The following SPACA7 variants were observed in gnomAD, a reference collection of about 807,000 sequenced individuals.
The protein encoded by SPACA7 is sperm acrosome-associated protein 7.
SPACA7 carries 19 observed loss-of-function variants against 26.3 expected under a neutral mutation model. The ratio of observed to expected loss-of-function variants is 0.72; its 90% CI spans 0.50 to 1.06. The LOEUF (loss-of-function observed/expected upper bound fraction) is 1.06, where lower values mean the gene tolerates loss of function less well. SPACA7 is among the 50% of genes least tolerant of loss of function. The pLI is 0.00. For synonymous variants in SPACA7, 84 were observed against 84.5 expected, an observed-to-expected ratio of 0.99 and a Z score of 0.04; for missense variants, 211 against 229.9, an observed-to-expected ratio of 0.92 and a Z score of 0.53.
At position 112,393,059 on chromosome 13, in the gene SPACA7, G is replaced by C. The variant is rs1479035163; in HGVS notation, c.133G>C (p.Asp45His). ...TEIPFSSKQEDMSELLDEILV... is the reference protein window; with the variant it reads ...TEIPFSSKQEHMSELLDEILV... ...AATACCATTCAGTTCAAAACAGGAGGATATGTCTGAATTATTAGGTAAGGA... is the reference window on the plus strand; with the variant it reads ...AATACCATTCAGTTCAAAACAGGAGCATATGTCTGAATTATTAGGTAAGGA... Residue 45 changes from aspartate (D) to histidine (H), a missense_variant, in exon 2 of 7, where the codon GAT becomes CAT. Physicochemically the swap from Asp to His is moderately conservative, Grantham distance 81. Coordinates refer to ENST00000283550, the MANE Select transcript of SPACA7 (RefSeq NM_145248.5). The C allele has an allele frequency of 6.2e-7, 1 of 1,613,016 alleles. No individual in the cohort carries two copies. The highest frequency in any genetic ancestry group is 2.2e-5 in the East Asian group (1 of 44,870).
chr13:112,432,509 G>C lies in SPACA7; in HGVS notation c.511G>C (p.Gly171Arg), dbSNP rs150077672. ...TCTGGACCAAATCCTTCAAAATATTGGAAGATCTTCAGGTAGATTGGAAAT... is the reference window on the plus strand; with the variant it reads ...TCTGGACCAAATCCTTCAAAATATTCGAAGATCTTCAGGTAGATTGGAAAT... ...SILDQILQNIGRSSGNIFHKE... is the reference protein window; with the variant it reads ...SILDQILQNIRRSSGNIFHKE... Residue 171 changes from glycine to arginine, a missense_variant, in exon 6 of 7, where the codon GGA (glycine) becomes CGA (arginine). By Grantham distance (125) the Gly-to-Arg change is moderately radical. Coordinates refer to ENST00000283550, the MANE Select transcript of SPACA7 (RefSeq NM_145248.5). 6.2e-7 allele frequency: 1 copy of C among 1,604,282 alleles called. No homozygotes were observed. Among genetic ancestry groups the C allele is most frequent in the Non-Finnish European group, 8.5e-7 (1 of 1,171,128 alleles).
At chr13:112,405,167 A>G (rs1344057343) in intron 5 of SPACA7, among the ~76,000 whole-genome samples, 1 of 151,592 alleles carries the variant, frequency 6.6e-6, no homozygotes, top group Admixed American at 6.6e-5. Context: ...TATTTTTAGT[A>G]GAGACGGGGT....
At chr13:112,405,204 T>G (rs1885910002) in intron 5 of SPACA7, among the ~76,000 whole-genome samples, 1 of 151,992 alleles carries the variant, frequency 6.6e-6, no homozygotes, top group South Asian at 2.1e-4. Context: ...GGATGTATTT[T>G]CTTCTTTACC....
chr13:112,398,139 G>A lies in SPACA7; in HGVS notation c.241+1G>A, dbSNP rs765107270. ...GCATCAACATTATCAACACCGTTACGTAAGGAGAAAAGCAAGCACACCCCT... is the reference window on the plus strand; with the variant it reads ...GCATCAACATTATCAACACCGTTACATAAGGAGAAAAGCAAGCACACCCCT... On this transcript the variant is annotated splice_donor_variant, in intron 3 of 6. Coordinates refer to ENST00000283550, the MANE Select transcript of SPACA7 (RefSeq NM_145248.5). LOFTEE classifies it high-confidence loss of function. 21 of 1,612,136 alleles carry A rather than the reference G, an allele frequency of 1.3e-5. No homozygotes were observed. Among genetic ancestry groups the A allele is most frequent in the Admixed American group, 3.3e-5 (2 of 60,008 alleles).
chr13:112,417,791 G>A (rs1191521272), intron 5 of SPACA7, among the ~76,000 whole-genome samples: 3 of 152,150 alleles, frequency 2.0e-5, no homozygotes. Context: ...TTTTCTCACT[G>A]TTTTATCTCA....
chr13:112,430,745 A>G (rs377482308), intron 5 of SPACA7, among the ~76,000 whole-genome samples: 4 of 152,246 alleles, frequency 2.6e-5, no homozygotes, highest in Non-Finnish European at 5.9e-5. Flanking sequence ...CTATAGTCGA[A>G]TGAAACCACA....
chr13:112,417,716 T>G lies in SPACA7; in HGVS notation c.446-14728T>G, dbSNP rs181186969. On this transcript the variant is annotated intron_variant, in intron 5 of 6. Coordinates refer to ENST00000283550, the MANE Select transcript of SPACA7 (RefSeq NM_145248.5). ...CAGGACCCATATTTAGTATTTTCAG[T>G]CTTACAGTGGAGTTGCTTATTCTGA... Among the ~76,000 whole-genome samples, 4 of 152,292 alleles carry G rather than the reference T, an allele frequency of 2.6e-5. No homozygotes were observed. The East Asian group carries it at 7.7e-4, about 29-fold the overall frequency.
chr13:112,396,594 A>G (rs1885277800), intron 2 of SPACA7, among the ~76,000 whole-genome samples: 1 of 152,200 alleles, frequency 6.6e-6, no homozygotes, highest in Non-Finnish European at 1.5e-5. Flanking sequence ...CTTGCCATTC[A>G]AATGCATATC....
intron 2 of SPACA7, among the ~76,000 whole-genome samples, chr13:112,393,892 A>T (rs1885061042): frequency 6.6e-6 from 1 of 151,730 alleles, no homozygotes. Context: ...AGGCTGAGAC[A>T]GGAGAATCCC....
chr13:112,421,651 C>T (rs541089365), intron 5 of SPACA7, among the ~76,000 whole-genome samples: 3 of 152,274 alleles, frequency 2.0e-5, no homozygotes, highest in Non-Finnish European at 2.9e-5. Context: ...TATAAAGACA[C>T]ATGCATGTGT....
At chr13:112,378,287 A>T (rs1883822101) in intron 1 of SPACA7, among the ~76,000 whole-genome samples, 1 of 152,018 alleles carries the variant, frequency 6.6e-6, no homozygotes, top group Non-Finnish European at 1.5e-5. Flanking sequence ...ATCAAAAGAT[A>T]AAAAAAAGTA....
chr13:112,381,260 C>A (rs1884039698), intron 1 of SPACA7, among the ~76,000 whole-genome samples: 1 of 152,036 alleles, frequency 6.6e-6, no homozygotes. Flanking sequence ...GAGGTTAAAG[C>A]TGGTGGATCA....
intron 5 of SPACA7, among the ~76,000 whole-genome samples, chr13:112,430,981 T>C (rs1432646796): frequency 1.3e-5 from 2 of 152,152 alleles, no homozygotes; most frequent in Admixed American, 1.3e-4. Context: ...TTGGCAGTAA[T>C]CTCTCTGGTG....
chr13:112,416,765 C>T (rs1886715896), intron 5 of SPACA7, among the ~76,000 whole-genome samples: 1 of 151,682 alleles, frequency 6.6e-6, no homozygotes, highest in Non-Finnish European at 1.5e-5. Flanking sequence ...GTTTTCCAGT[C>T]TCACCTATGT....
chr13:112,383,169 GAA>G (rs1353421493), intron 1 of SPACA7, among the ~76,000 whole-genome samples: 1 of 114,788 alleles, frequency 8.7e-6, no homozygotes, highest in Admixed American at 8.8e-5. Context: ...AAGAAAGAAA[GAA>G]AGAAAGAAAG....
At chr13:112,428,603 C>CA (rs939052360) in intron 5 of SPACA7, among the ~76,000 whole-genome samples, 18 of 151,508 alleles carry the variant, frequency 1.2e-4, no homozygotes, top group South Asian at 4.2e-4. Context: ...AAAACAAAAA[C>CA]AAAAAAAAGA....
chr13:112,397,013 C>A (rs370712211), intron 2 of SPACA7, among the ~76,000 whole-genome samples: 10 of 152,214 alleles, frequency 6.6e-5, no homozygotes, highest in African/African-American at 2.2e-4. Flanking sequence ...GTAGCCCACC[C>A]GGCTGCAGGG....
chr13:112,430,581 C>G (rs1256524418), intron 5 of SPACA7, among the ~76,000 whole-genome samples: 1 of 152,190 alleles, frequency 6.6e-6, no homozygotes, highest in Non-Finnish European at 1.5e-5. Flanking sequence ...TGCATTTCAA[C>G]TCTGGAAGGA....
rs9604322 is a variant in SPACA7, at chr13:112,434,415, G to A, written c.524-70G>A. On this transcript the variant is annotated intron_variant, in intron 6 of 6. Transcript: ENST00000283550. ...TTCCTCCTGTCCCCTGGTGTCCCTCGATCCTGCCAGTGCCTCCATCTCCCT... is the reference window on the plus strand; with the variant it reads ...TTCCTCCTGTCCCCTGGTGTCCCTCAATCCTGCCAGTGCCTCCATCTCCCT... The A allele has an allele frequency of 1.6e-3, 2,160 of 1,354,878 alleles. 30 individuals are homozygous for A. In the African/African-American group the frequency reaches 0.026, roughly 16 times the overall value. 83.9% of individuals were successfully genotyped at this position (1,354,878 alleles called of 1,614,324 possible). A position where few individuals can be genotyped will look rare whatever the true frequency, so the allele number is the denominator to read the frequency against.
Sources: allele counts gnomAD v4.1 joint callset (sites outside exome capture counted in the v4.1 genomes callset), GRCh38; gene constraint gnomAD v4.1.1; transcripts MANE v1.5; gene names NCBI Gene and HGNC (gene_info 2026-07-23, HGNC 2026-07-21).